PRKCG: variants seen among roughly 807,000 people sequenced by gnomAD.
PRKCG encodes protein kinase C gamma.
A neutral mutation model predicts 82.0 loss-of-function variants in PRKCG; 28 were observed. That is an observed-to-expected ratio of 0.34 (90% CI 0.25 to 0.47). The LOEUF (loss-of-function observed/expected upper bound fraction) is 0.47. Among genes scored for constraint, PRKCG ranks in the 20% least tolerant of loss-of-function variants. PRKCG has a pLI of 1.00. For synonymous variants in PRKCG, 383 were observed against 376.6 expected (o/e 1.02, Z -0.20); for missense variants, 640 against 952.7 (o/e 0.67, Z 4.32).
In PRKCG at chr19:53,891,741, G is replaced by A. The variant is rs771477918; in HGVS notation, c.597G>A (p.Lys199=). Reference sequence around the variant, plus strand: ...TCTCTGATCCCTATGTGAAACTGAAGCTCATCCCAGACCCTCGGAACCTGA... The same window carrying A: ...TCTCTGATCCCTATGTGAAACTGAAACTCATCCCAGACCCTCGGAACCTGA... ...NGLSDPYVKL[K]LIPDPRNLTK... is the part of the protein sequence containing the mutation. The change falls in exon 6 of 18, where the codon AAG becomes AAA. Residue 199 remains lysine, a synonymous_variant. Transcript: ENST00000263431. 5 of 1,614,072 alleles carry A rather than the reference G, an allele frequency of 3.1e-6. No homozygotes were observed. Among genetic ancestry groups the A allele is most frequent in the Non-Finnish European group, 4.2e-6 (5 of 1,180,004 alleles).
At position 53,889,727 on chromosome 19, in the gene PRKCG, G is replaced by A. The variant is rs959326564; in HGVS notation, c.375G>A (p.Val125=). Residue 125 remains valine, a synonymous_variant, in exon 4 of 18, where the codon GTG becomes GTA. Transcript: ENST00000263431. This position sits in a 1 kb window ranked among gnomAD's most constrained non-coding sequence, Gnocchi z 4.4. The part of the protein sequence containing the change: ...DHCGSLLYGL[V]HQGMKCSCCE... ...GTGGCTCCCTCCTCTACGGGCTTGT[G>A]CACCAGGGCATGAAATGCTCCTGTG... is the stretch of plus-strand genomic sequence containing the variant. 2.5e-6 allele frequency: 4 copies of A among 1,614,046 alleles called. No individual in the cohort carries two copies. The highest frequency in any genetic ancestry group is 3.4e-6 in the Non-Finnish European group (4 of 1,179,980).
At position 53,883,808 on chromosome 19, in the gene PRKCG, CCT is replaced by C. The variant is rs2068611828; in HGVS notation, c.203-347_203-346del. On this transcript the variant is annotated intron_variant, in intron 2 of 17. Transcript: ENST00000263431. The surrounding 1 kb of genome is among the most constrained non-coding windows in gnomAD (Gnocchi z 5.4). ...GGTTTTCGCTCTTTGAATCTGTCTG[CCT>C]CTCTCCTGGCTTTCTGATCTCCGTC... is the stretch of plus-strand genomic sequence containing the variant. 1.3e-5 allele frequency among the ~76,000 whole-genome samples: 2 copies of C among 152,182 alleles called. No homozygotes were observed. The highest frequency in any genetic ancestry group is 2.4e-5 in the African/African-American group (1 of 41,436).
At position 53,906,798 on chromosome 19, in the gene PRKCG, ACCAGG is replaced by A; in HGVS notation, c.2000_2004del (p.Gln667ArgfsTer63). ...GACCGCCTAGTCCTGGCCAGCATCG[ACCAGG>A]CCGATTTCCAGGGCTTCACCTACGT... is the stretch of plus-strand genomic sequence containing the variant. On this transcript the variant is annotated frameshift_variant, in exon 18 of 18. Coordinates refer to ENST00000263431, the MANE Select transcript of PRKCG (RefSeq NM_002739.5). LOFTEE classifies it high-confidence loss of function. 1 of 1,613,598 alleles carries A rather than the reference ACCAGG, an allele frequency of 6.2e-7. No individual in the cohort carries two copies. Among genetic ancestry groups the A allele is most frequent in the Non-Finnish European group, 8.5e-7 (1 of 1,179,972 alleles).
At position 53,889,774 on chromosome 19, in the gene PRKCG, G is replaced by A. The variant is rs2068657974; in HGVS notation, c.397+25G>A. 6.2e-7 allele frequency: 1 copy of A among 1,610,090 alleles called. No homozygotes were observed. The highest frequency in any genetic ancestry group is 1.7e-5 in the Admixed American group (1 of 59,622). On this transcript the variant is annotated intron_variant, in intron 4 of 17. Transcript: ENST00000263431. This position sits in a 1 kb window ranked among gnomAD's most constrained non-coding sequence, Gnocchi z 4.4. ...TGTGAGTGACCTGGGCCTTGCCAGG[G>A]CCCTTCCAAAGCGCCCGGTCTGGGT...
At chr19:53,903,916 C>G (rs2068782888) in intron 15 of PRKCG, among the ~76,000 whole-genome samples, 1 of 152,038 alleles carries the variant, frequency 6.6e-6, no homozygotes, top group Admixed American at 6.6e-5. Flanking sequence ...GTAGTAAGTT[C>G]TAATGGTAGT....
In PRKCG at chr19:53,897,976, C is replaced by G; in HGVS notation, c.957C>G (p.Pro319=). The G allele has an allele frequency of 6.2e-7, 1 of 1,614,130 alleles. No individual in the cohort carries two copies. Among genetic ancestry groups the G allele is most frequent in the South Asian group, 1.1e-5 (1 of 91,082 alleles). ...TTCCACAGCGGGTGCGGATGGGCCC[C>G]TCTTCCTCTCCCATCCCCTCCCCTT... is the stretch of plus-strand genomic sequence containing the variant. ...LELYERVRMG[P]SSSPIPSPSP... The change falls in exon 10 of 18, where the codon CCC becomes CCG. Residue 319 remains proline, a synonymous_variant. Coordinates refer to ENST00000263431, the MANE Select transcript of PRKCG (RefSeq NM_002739.5).
In PRKCG at chr19:53,882,479, C is replaced by G; in HGVS notation, c.-16C>G. On this transcript the variant is annotated 5_prime_UTR_variant, in exon 1 of 18. Transcript: ENST00000263431. This position sits in a 1 kb window ranked among gnomAD's most constrained non-coding sequence, Gnocchi z 6.1. ...AAGAAAGGCAGGATCCTGGTCCCTG[C>G]TACGTTTCTGGGGCCATGGCTGGTC... 2 of 1,611,220 alleles carry G rather than the reference C, an allele frequency of 1.2e-6. No homozygotes were observed. Among genetic ancestry groups the G allele is most frequent in the Non-Finnish European group, 1.7e-6 (2 of 1,178,644 alleles).
intron 5 of PRKCG, among the ~76,000 whole-genome samples, 198 bp from the exon 6 acceptor site, chr19:53,891,476 G>A (rs2068675610): frequency 1.3e-5 from 2 of 149,600 alleles, no homozygotes; most frequent in South Asian, 2.1e-4. Flanking sequence ...TAGTGGAGAC[G>A]GGGTTTCACC....
intron 9 of PRKCG, among the ~76,000 whole-genome samples, chr19:53,896,886 C>T (rs140049003): frequency 8.9e-4 from 136 of 152,244 alleles, no homozygotes; most frequent in African/African-American, 3.2e-3. Context: ...TCCATGGTGA[C>T]CAAGGGGTGG....
Position 53,900,655 on chromosome 19 carries a change from T to G in PRKCG, c.1481T>G (p.Ile494Ser). The G allele has an allele frequency of 6.2e-7, 1 of 1,614,194 alleles. No homozygotes were observed. Among genetic ancestry groups the G allele is most frequent in the Non-Finnish European group, 8.5e-7 (1 of 1,180,038 alleles). The stretch of plus-strand genomic sequence containing the variant: ...GTGATGCTGGATGCTGAGGGACACA[T>G]CAAGATCACTGACTTTGGCATGTGT... Reference protein sequence around the residue: ...DNVMLDAEGHIKITDFGMCKE... With the variant: ...DNVMLDAEGHSKITDFGMCKE... The change falls in exon 14 of 18, where the codon ATC (isoleucine) becomes AGC (serine). Residue 494 changes from isoleucine (I) to serine (S), a missense_variant. Around this residue, in one of 7 missense-constraint regions of PRKCG, gnomAD observed 4 missense variants for 32.3 expected, o/e 0.12. Transcript: ENST00000263431. This position sits in a 1 kb window ranked among gnomAD's most constrained non-coding sequence, Gnocchi z 4.2.
In PRKCG at chr19:53,892,393, A is replaced by G; in HGVS notation, c.687-116A>G. ...GAAGGTCAGAGGTCGGAGACCGACA[A>G]AGCAGGAGAGGAGCCCCAGCTGGCT... On this transcript the variant is annotated intron_variant, in intron 6 of 17. Coordinates refer to ENST00000263431, the MANE Select transcript of PRKCG (RefSeq NM_002739.5). This position sits in a 1 kb window ranked among gnomAD's most constrained non-coding sequence, Gnocchi z 5.9. 1 of 1,483,130 alleles carries G rather than the reference A, an allele frequency of 6.7e-7. No homozygotes were observed. Among genetic ancestry groups the G allele is most frequent in the Non-Finnish European group, 9.1e-7 (1 of 1,102,278 alleles). 91.9% of individuals were successfully genotyped at this position (1,483,130 alleles called of 1,614,324 possible). A position where few individuals can be genotyped will look rare whatever the true frequency, so the allele number is the denominator to read the frequency against.
chr19:53,906,059 TCC>T, intron 16 of PRKCG, among the ~76,000 whole-genome samples: 2 of 60,996 alleles, frequency 3.3e-5, no homozygotes, highest in African/African-American at 3.2e-4. Flanking sequence ...CTCCTCCTCC[TCC>T]TCCTCCTCCT....
chr19:53,903,185 TAA>T lies in PRKCG; in HGVS notation c.1656+35_1656+36del, dbSNP rs745565925. The T allele has an allele frequency of 3.8e-6, 6 of 1,575,326 alleles. No individual in the cohort carries two copies. In the East Asian group the frequency reaches 1.3e-4, roughly 35 times the overall value. On this transcript the variant is annotated intron_variant, in intron 15 of 17. Transcript: ENST00000263431. ...GAAGGTGGGGAGAAGCTGGCTTGGC[TAA>T]AAGAGACAGAGAGGGGCACCTGGAT...
chr19:53,897,922 C>T (rs1375568379), intron 9 of PRKCG, 37 bp from the exon 10 acceptor site: 1 of 1,613,568 alleles, frequency 6.2e-7, no homozygotes, highest in Non-Finnish European at 8.5e-7. Flanking sequence ...TGTGTAAGGT[C>T]TAACTGCCTC....
chr19:53,892,935 C>G lies in PRKCG; in HGVS notation c.822-53C>G, dbSNP rs568850361. 2 of 1,523,584 alleles carry G rather than the reference C, an allele frequency of 1.3e-6. No individual in the cohort carries two copies. Among genetic ancestry groups the G allele is most frequent in the East Asian group, 4.5e-5 (2 of 44,416 alleles). 94.4% of individuals were successfully genotyped at this position (1,523,584 alleles called of 1,614,324 possible). ...CCTCCCTTCCAATGTCTTTGCCTCT[C>G]CCATGGGTGCCCCATCCCCGCTGCC... On this transcript the variant is annotated intron_variant, in intron 7 of 17. Coordinates refer to ENST00000263431, the MANE Select transcript of PRKCG (RefSeq NM_002739.5). This position sits in a 1 kb window ranked among gnomAD's most constrained non-coding sequence, Gnocchi z 5.9.
At chr19:53,891,293 T>C (rs964216273) in intron 5 of PRKCG, among the ~76,000 whole-genome samples, 12 of 151,554 alleles carry the variant, frequency 7.9e-5, no homozygotes, top group Middle Eastern at 3.4e-3. Context: ...TTTTTTTTTT[T>C]TGAGACGGAG....
At chr19:53,885,569 C>T (rs2068625529) in intron 3 of PRKCG, among the ~76,000 whole-genome samples, 2 of 152,124 alleles carry the variant, frequency 1.3e-5, no homozygotes, top group Non-Finnish European at 2.9e-5. Context: ...TAGTTAGTGG[C>T]CACCAAATGG....
intron 9 of PRKCG, among the ~76,000 whole-genome samples, chr19:53,896,421 T>G (rs957618244): frequency 7.8e-5 from 10 of 127,866 alleles, no homozygotes; most frequent in Non-Finnish European, 1.2e-4. Flanking sequence ...TTATTATTAT[T>G]ATGTATTTAT....
chr19:53,900,533 G>T lies in PRKCG; in HGVS notation c.1436+52G>T, dbSNP rs1371897038. ...AGGAAATCACGCCCCTGGAAGGGAA[G>T]GGATTTGAATATGTGGCTCTAGACT... On this transcript the variant is annotated intron_variant, in intron 13 of 17. Transcript: ENST00000263431. The surrounding 1 kb of genome is among the most constrained non-coding windows in gnomAD (Gnocchi z 4.2). 1 of 1,614,168 alleles carries T rather than the reference G, an allele frequency of 6.2e-7. No homozygotes were observed. The highest frequency in any genetic ancestry group is 1.3e-5 in the African/African-American group (1 of 75,058).
Sources: gnomAD v4.1 joint callset for allele counts (sites outside exome capture counted in the v4.1 genomes callset) on GRCh38, gnomAD v4.1.1 for gene constraint, gnomAD v4.1.1 regional missense constraint, Gnocchi (gnomAD v3.1) non-coding constraint, MANE v1.5 for transcripts, NCBI Gene and HGNC (gene_info 2026-07-23, HGNC 2026-07-21) for gene names.